Variants in TMEM161B observed in about 807,000 individuals in gnomAD.
TMEM161B encodes the protein transmembrane protein 161B.
A neutral mutation model predicts 61.8 loss-of-function variants in TMEM161B; 34 were observed. The observed-to-expected ratio is 0.55, with a 90% CI of 0.42 to 0.73. TMEM161B has a LOEUF of 0.73. Among genes scored for constraint, TMEM161B ranks in the 30% least tolerant of loss-of-function variants. TMEM161B has a pLI of 0.00. For synonymous variants in TMEM161B, 167 were observed against 192.8 expected, an observed-to-expected ratio of 0.87 and a Z score of 1.11; for missense variants, 456 against 558.5, an observed-to-expected ratio of 0.82 and a Z score of 1.85.
intron 9 of TMEM161B, 146 bp from the exon 10 acceptor site, chr5:88,199,296 C>T: frequency 1.4e-6 from 1 of 697,694 alleles, no homozygotes; most frequent in Non-Finnish European, 2.3e-6. Flanking sequence ...CTGCCATAGA[C>T]TTAACTGTAT....
intron 2 of TMEM161B, among the ~76,000 whole-genome samples, chr5:88,235,643 G>C (rs772348929): frequency 6.6e-6 from 1 of 152,156 alleles, no homozygotes; most frequent in Non-Finnish European, 1.5e-5. Flanking sequence ...GCTGACCTCA[G>C]ACTTCCAGCC....
At chr5:88,258,519 T>C (rs1268563169) in intron 1 of TMEM161B, among the ~76,000 whole-genome samples, 1 of 152,196 alleles carries the variant, frequency 6.6e-6, no homozygotes, top group African/African-American at 2.4e-5. Context: ...GCTTTCTCTC[T>C]TGACCAAGGG....
intron 1 of TMEM161B, among the ~76,000 whole-genome samples, chr5:88,263,725 T>G (rs1328083616): frequency 1.3e-5 from 2 of 152,210 alleles, no homozygotes; most frequent in African/African-American, 4.8e-5. Context: ...TAATGCACTT[T>G]AAGCTTTTGT....
At chr5:88,257,276 A>AAAAAC (rs901335738) in intron 1 of TMEM161B, among the ~76,000 whole-genome samples, 5 of 152,330 alleles carry the variant, frequency 3.3e-5, no homozygotes, top group Middle Eastern at 3.4e-3. Context: ...TCTCAAAAAC[A>AAAAAC]AAAACAAAAC....
chr5:88,234,699 A>G (rs1214099740), intron 2 of TMEM161B, among the ~76,000 whole-genome samples: 6 of 152,202 alleles, frequency 3.9e-5, no homozygotes, highest in Non-Finnish European at 8.8e-5. Flanking sequence ...TGTAGCATGT[A>G]GAATGTACTC....
At chr5:88,247,441 T>C (rs1004344428) in intron 1 of TMEM161B, among the ~76,000 whole-genome samples, 1 of 152,182 alleles carries the variant, frequency 6.6e-6, no homozygotes, top group East Asian at 1.9e-4. Context: ...TATCTGCATA[T>C]ATACTTGGGA....
chr5:88,255,835 C>G (rs1754917511), intron 1 of TMEM161B, among the ~76,000 whole-genome samples: 1 of 151,806 alleles, frequency 6.6e-6, no homozygotes. Context: ...TTGACCCTTT[C>G]AAAGGTCAAA....
chr5:88,241,814 C>T (rs528638821), intron 1 of TMEM161B, among the ~76,000 whole-genome samples: 9 of 151,742 alleles, frequency 5.9e-5, no homozygotes, highest in South Asian at 2.1e-4. Context: ...ACTCTCCACT[C>T]GGTAGAGGAC....
At chr5:88,212,251 CT>C (rs1307433951) in intron 5 of TMEM161B, among the ~76,000 whole-genome samples, 1 of 152,082 alleles carries the variant, frequency 6.6e-6, no homozygotes, top group Non-Finnish European at 1.5e-5. Flanking sequence ...ACTTTCAAAA[CT>C]GCAAAGTCTA....
At chr5:88,202,804 G>T in intron 9 of TMEM161B, 158 bp downstream of exon 9, 2 of 664,848 alleles carry the variant, frequency 3.0e-6, no homozygotes, top group East Asian at 2.7e-5. Context: ...GTTACATGAT[G>T]GTCTGTAGTT....
At chr5:88,197,378 G>T (rs1749837447) in intron 11 of TMEM161B, among the ~76,000 whole-genome samples, 1 of 152,070 alleles carries the variant, frequency 6.6e-6, no homozygotes, top group Admixed American at 6.6e-5. Context: ...CTTATAACAT[G>T]AAAGTAACTA....
At chr5:88,188,817 G>A (rs1011170215), downstream of TMEM161B, among the ~76,000 whole-genome samples, 2 of 152,182 alleles carry the variant, frequency 1.3e-5, no homozygotes, top group Admixed American at 6.5e-5. Flanking sequence ...GAGCACATGT[G>A]GTTAGAGTTG....
downstream of TMEM161B, among the ~76,000 whole-genome samples, chr5:88,192,012 ATATATATATATATATG>A (rs1435849515): frequency 6.4e-5 from 6 of 94,022 alleles, no homozygotes; most frequent in African/African-American, 9.7e-5. Flanking sequence ...ATATATATAT[ATATATATATATATATG>A]TATATAGCCA....
chr5:88,235,354 A>T (rs1259492310), intron 2 of TMEM161B, among the ~76,000 whole-genome samples: 1 of 152,200 alleles, frequency 6.6e-6, no homozygotes, highest in Non-Finnish European at 1.5e-5. Flanking sequence ...CTATTTCATG[A>T]TATACAACAT....
chr5:88,235,577 G>C (rs868176452), intron 2 of TMEM161B, among the ~76,000 whole-genome samples: 1 of 152,160 alleles, frequency 6.6e-6, no homozygotes, highest in Non-Finnish European at 1.5e-5. Context: ...GATACAAGAA[G>C]TAAGCAGTCT....
intron 5 of TMEM161B, among the ~76,000 whole-genome samples, chr5:88,209,247 C>A (rs1226820064): frequency 1.3e-5 from 2 of 152,166 alleles, no homozygotes; most frequent in Non-Finnish European, 2.9e-5. Flanking sequence ...TGCAAAACTA[C>A]AACTGAACTG....
At chr5:88,224,959 GTTTTTGTTTTTT>G (rs1283429105) in intron 4 of TMEM161B, among the ~76,000 whole-genome samples, 11 of 101,218 alleles carry the variant, frequency 1.1e-4, no homozygotes, top group African/African-American at 3.9e-4. Context: ...CACAAAATAT[GTTTTTGTTTTTT>G]TTTTTTTTTT....
At chr5:88,218,435 A>G (rs1264821759) in intron 5 of TMEM161B, among the ~76,000 whole-genome samples, 1 of 152,164 alleles carries the variant, frequency 6.6e-6, no homozygotes, top group African/African-American at 2.4e-5. Context: ...TCAACACACT[A>G]GGTGGCTAGG....
intron 4 of TMEM161B, among the ~76,000 whole-genome samples, chr5:88,222,635 T>C (rs450202): frequency 0.78 from 118,068 of 152,144 alleles, 45,976 homozygotes; most frequent in South Asian, 0.86. Context: ...TAGGGACTTC[T>C]TCCACGTAAC....
Sources: gnomAD v4.1 joint callset for allele counts (sites outside exome capture counted in the v4.1 genomes callset) on GRCh38, gnomAD v4.1.1 for gene constraint, MANE v1.5 for transcripts, NCBI Gene and HGNC (gene_info 2026-07-23, HGNC 2026-07-21) for gene names.